KDM1A: variants seen among roughly 807,000 people sequenced by gnomAD.
KDM1A encodes the protein lysine-specific histone demethylase 1A.
In KDM1A, 49 loss-of-function variants were observed where a neutral mutation model predicts 109.4. The observed-to-expected ratio is 0.45, with a 90% CI of 0.36 to 0.57. The LOEUF (loss-of-function observed/expected upper bound fraction) is 0.57, where lower values mean the gene tolerates loss of function less well. Among genes scored for constraint, KDM1A ranks in the 20% least tolerant of loss-of-function variants. The pLI, the probability that KDM1A is intolerant of heterozygous loss-of-function variation, is 0.00. For synonymous variants in KDM1A, 380 were observed against 415.4 expected (o/e 0.91, Z 1.04); for missense variants, 668 against 1,116.6 (o/e 0.60, Z 5.73).
Position 23,079,024 on chromosome 1 carries a change from G to C in KDM1A, c.1902G>C (p.Thr634=). 6.2e-7 allele frequency: 1 copy of C among 1,614,050 alleles called. No homozygotes were observed. The highest frequency in any genetic ancestry group is 8.5e-7 in the Non-Finnish European group (1 of 1,179,974). Residue 634 remains threonine (T), a synonymous_variant, in exon 17 of 21, where the codon ACG becomes ACC. Transcript: ENST00000400181. This position sits in a 1 kb window ranked among gnomAD's most constrained non-coding sequence, Gnocchi z 5.6. ...TGATAGCTGTGAATACCCGCTCCAC[G>C]AGTCAAACCTTTATTTATAAATGCG... ...CEVIAVNTRS[T]SQTFIYKCDA...
intron 1 of KDM1A, among the ~76,000 whole-genome samples, chr1:23,029,434 C>G (rs1029906704): frequency 6.6e-6 from 1 of 152,130 alleles, no homozygotes; most frequent in African/African-American, 2.4e-5. Context: ...TGAAGACTAT[C>G]TGTAATACCG....
chr1:23,023,562 G>A lies in KDM1A; in HGVS notation c.351+3615G>A, dbSNP rs147986120. On this transcript the variant is annotated intron_variant, in intron 1 of 20. Transcript: ENST00000400181. ...TTCCATTGATCTATTATATATTTCC[G>A]TCCATTCCAGTACCACACTATCCTG... 8.3e-4 allele frequency among the ~76,000 whole-genome samples: 126 copies of A among 152,082 alleles called. 2 individuals carry two copies. The highest frequency in any genetic ancestry group is 2.5e-3 in the African/African-American group (102 of 41,472).
chr1:23,078,557 C>G (rs1643532685), intron 16 of KDM1A, among the ~76,000 whole-genome samples: 1 of 152,236 alleles, frequency 6.6e-6, no homozygotes, highest in Non-Finnish European at 1.5e-5. Flanking sequence ...TCCCCCAGAT[C>G]TGCATCACAG....
chr1:23,019,583 C>A lies in KDM1A; in HGVS notation c.-14C>A. The A allele has an allele frequency of 7.1e-7, 1 of 1,399,590 alleles. No individual in the cohort carries two copies. The highest frequency in any genetic ancestry group is 9.2e-7 in the Non-Finnish European group (1 of 1,085,728). 86.7% of individuals were successfully genotyped at this position (1,399,590 alleles called of 1,614,324 possible). A position where few individuals can be genotyped will look rare whatever the true frequency, so the allele number is the denominator to read the frequency against. On this transcript the variant is annotated 5_prime_UTR_variant, in exon 1 of 21. Coordinates refer to ENST00000400181, the MANE Select transcript of KDM1A (RefSeq NM_001009999.3). ...GAGCGGCCCCTACGGCCGTCGGCGGCCCGGCGGCCCGAGATGTTATCTGGG... is the reference window on the plus strand; with the variant it reads ...GAGCGGCCCCTACGGCCGTCGGCGGACCGGCGGCCCGAGATGTTATCTGGG...
intron 7 of KDM1A, among the ~76,000 whole-genome samples, chr1:23,057,219 G>A (rs916010283): frequency 1.3e-5 from 2 of 152,170 alleles, no homozygotes; most frequent in Non-Finnish European, 2.9e-5. Context: ...CAGCTGTCAA[G>A]ACTGTTTTAT....
intron 4 of KDM1A, among the ~76,000 whole-genome samples, chr1:23,051,706 G>A (rs566045183): frequency 6.6e-5 from 10 of 152,278 alleles, no homozygotes; most frequent in African/African-American, 2.4e-4. Context: ...ACTCTAGGGT[G>A]GTACAACGCA....
At chr1:23,063,022 GTC>G (rs1643043606) in intron 9 of KDM1A, among the ~76,000 whole-genome samples, 1 of 152,134 alleles carries the variant, frequency 6.6e-6, no homozygotes, top group Admixed American at 6.5e-5. Flanking sequence ...CATTTTGCTG[GTC>G]TCTGCTGAGG....
At position 23,077,433 on chromosome 1, in the gene KDM1A, T is replaced by C. The variant is rs140619970; in HGVS notation, c.1867+73T>C. 3.6e-5 allele frequency: 53 copies of C among 1,476,064 alleles called. No individual in the cohort carries two copies. In the African/African-American group the frequency reaches 5.4e-4, roughly 15 times the overall value. 91.4% of individuals were successfully genotyped at this position (1,476,064 alleles called of 1,614,324 possible). On this transcript the variant is annotated intron_variant, in intron 16 of 20. Coordinates refer to ENST00000400181, the MANE Select transcript of KDM1A (RefSeq NM_001009999.3). The stretch of plus-strand genomic sequence containing the variant: ...GACTGATCTTTTGTTAGGTGCGACC[T>C]ATCAGGTACATTTCCTGATAGAGTG...
chr1:23,067,752 G>A (rs1643198717), intron 10 of KDM1A, among the ~76,000 whole-genome samples: 1 of 152,254 alleles, frequency 6.6e-6, no homozygotes, highest in East Asian at 1.9e-4. Flanking sequence ...TTACTTTGGG[G>A]CTGAATTAAG....
intron 7 of KDM1A, 31 bp downstream of exon 7, chr1:23,056,069 G>T (rs1569744924): frequency 7.1e-7 from 1 of 1,410,680 alleles, no homozygotes; most frequent in South Asian, 1.2e-5. Context: ...TTAGAGGCTT[G>T]ACCTATTGGA....
intron 10 of KDM1A, among the ~76,000 whole-genome samples, chr1:23,067,216 GTA>G (rs1643183536): frequency 6.6e-6 from 1 of 152,188 alleles, no homozygotes; most frequent in Non-Finnish European, 1.5e-5. Flanking sequence ...TCCCTCCCAT[GTA>G]TAGTCTTTGG....
At position 23,027,407 on chromosome 1, in the gene KDM1A, TG is replaced by T. The variant is rs1468241181; in HGVS notation, c.352-3061del. Among the ~76,000 whole-genome samples, 407 of 135,038 alleles carry T rather than the reference TG, an allele frequency of 3.0e-3. 1 individual carries two copies. Among genetic ancestry groups the T allele is most frequent in the Admixed American group, 8.3e-3 (91 of 10,936 alleles). The allele number at this position is 135,038 out of a possible 152,430, so 88.6% of individuals were successfully genotyped here. Reference sequence around the variant, plus strand: ...TGTGCAAAAGGTAGAAGGTTGGTTTTGTTTGCTTTTTTTTTTTTTTTTTTGA... The same window carrying T: ...TGTGCAAAAGGTAGAAGGTTGGTTTTTTTGCTTTTTTTTTTTTTTTTTTGA... On this transcript the variant is annotated intron_variant, in intron 1 of 20. Transcript: ENST00000400181.
intron 2 of KDM1A, among the ~76,000 whole-genome samples, chr1:23,037,727 C>G (rs1046464975): frequency 6.6e-6 from 1 of 152,070 alleles, no homozygotes; most frequent in Non-Finnish European, 1.5e-5. Flanking sequence ...AGTTTTAGAT[C>G]CTTGATTTTT....
intron 2 of KDM1A, 77 bp from the exon 3 acceptor site, chr1:23,044,350 A>G (rs963575140): frequency 3.1e-5 from 42 of 1,376,986 alleles, no homozygotes; most frequent in Non-Finnish European, 3.9e-5. Context: ...TGAGTCGCCA[A>G]CTATTAGGCC....
rs1450432333 is a variant in KDM1A, at chr1:23,066,107, AC to A, written c.1179+37del. On this transcript the variant is annotated intron_variant, in intron 10 of 20. Transcript: ENST00000400181. ...CATAATTTTTCAAATCATTTTCCTC[AC>A]TGTTTACAATAACCCATTAAAAGCT... 11 of 1,389,836 alleles carry A rather than the reference AC, an allele frequency of 7.9e-6. No individual in the cohort carries two copies. The Admixed American group carries it at 1.7e-4, about 22-fold the overall frequency. The allele number at this position is 1,389,836 out of a possible 1,614,324, so 86.1% of individuals were successfully genotyped here.
chr1:23,025,359 TCA>T (rs1641762694), intron 1 of KDM1A, among the ~76,000 whole-genome samples: 1 of 148,178 alleles, frequency 6.7e-6, no homozygotes, highest in Non-Finnish European at 1.5e-5. Flanking sequence ...AGATGAAGTC[TCA>T]CTCTTTTCCC....
chr1:23,042,440 A>ATTATTAT (rs1553127465), intron 2 of KDM1A, among the ~76,000 whole-genome samples: 218 of 21,634 alleles, frequency 0.01, 13 homozygotes, highest in African/African-American at 0.029. Context: ...GAAATATATT[A>ATTATTAT]TTTTTTTTTT....
intron 3 of KDM1A, among the ~76,000 whole-genome samples, chr1:23,046,278 T>C (rs2294518): frequency 0.37 from 56,784 of 151,968 alleles, 13,034 homozygotes; most frequent in East Asian, 0.55. Flanking sequence ...CTCTGAAGTA[T>C]AGGAGGTTGT....
intron 1 of KDM1A, among the ~76,000 whole-genome samples, chr1:23,024,801 G>A (rs1394536266): frequency 6.6e-6 from 1 of 152,148 alleles, no homozygotes; most frequent in Non-Finnish European, 1.5e-5. Flanking sequence ...TTTTCCTCAG[G>A]TAAATAAGCC....
Sources: gnomAD v4.1 joint callset for allele counts (sites outside exome capture counted in the v4.1 genomes callset) on GRCh38, gnomAD v4.1.1 for gene constraint, Gnocchi (gnomAD v3.1) non-coding constraint, MANE v1.5 for transcripts, NCBI Gene and HGNC (gene_info 2026-07-23, HGNC 2026-07-21) for gene names.